The following TMEM43 variants were observed in gnomAD, a reference collection of about 807,000 sequenced individuals.
TMEM43 encodes transmembrane protein 43.
A neutral mutation model predicts 49.6 loss-of-function variants in TMEM43; 45 were observed. The observed-to-expected ratio is 0.91, with a 90% confidence interval of 0.71 to 1.16. The LOEUF is 1.16. Ranked by LOEUF, TMEM43 falls within the 50% of genes most tolerant of loss-of-function variation. The pLI, the probability that TMEM43 is intolerant of heterozygous loss-of-function variation, is 0.00. For synonymous variants in TMEM43, 199 were observed against 207.8 expected (o/e 0.96, Z 0.36); for missense variants, 532 against 516.6 (o/e 1.03, Z -0.29).
intron 7 of TMEM43, among the ~76,000 whole-genome samples, chr3:14,134,402 G>T (rs1387278921): frequency 6.6e-6 from 1 of 152,224 alleles, no homozygotes; most frequent in Non-Finnish European, 1.5e-5. Context: ...GCCGCTTTCT[G>T]TGTGCTTTGT....
rs1314608720 is a variant in TMEM43 at position 14,142,573 on chromosome 3, A to G, written c.*778A>G. 6 of 152,662 alleles carry G rather than the reference A, an allele frequency of 3.9e-5. No individual in the cohort carries two copies. The highest frequency in any genetic ancestry group is 7.3e-5 in the Non-Finnish European group (5 of 68,048). 9.5% of individuals were successfully genotyped at this position (152,662 alleles called of 1,614,324 possible). On this transcript the variant is annotated 3_prime_UTR_variant, in exon 12 of 12. Transcript: ENST00000306077. The stretch of plus-strand genomic sequence containing the variant: ...TAAGATTTAAAAACAAAACAAAAAA[A>G]ACACTTAATATTTCAGACTGTTACA...
chr3:14,125,823 G>A (rs1022308688), intron 1 of TMEM43, among the ~76,000 whole-genome samples: 1 of 152,176 alleles, frequency 6.6e-6, no homozygotes, highest in Non-Finnish European at 1.5e-5. Context: ...GTTGGAGGAG[G>A]CCTGGCTGAG....
In TMEM43 at chr3:14,139,280, G is replaced by A. The variant is rs185611706; in HGVS notation, c.983G>A (p.Arg328Gln). ...TTCATGGGCCTCAACCTTATGACAC[G>A]GATCCTCTACACCTTGGGTAGGTGT... ...AMFMGLNLMT[R>Q]ILYTLVDWFP... is the part of the protein sequence containing the mutation. The change falls in exon 11 of 12, where the codon CGG becomes CAG. Residue 328 changes from arginine to glutamine, a missense_variant. Physicochemically the swap from Arg to Gln is conservative, Grantham distance 43. Coordinates refer to ENST00000306077, the MANE Select transcript of TMEM43 (RefSeq NM_024334.3). 29 of 1,613,912 alleles carry A rather than the reference G, an allele frequency of 1.8e-5. No individual in the cohort carries two copies. Among genetic ancestry groups the A allele is most frequent in the Middle Eastern group, 1.7e-4 (1 of 6,060 alleles).
intron 10 of TMEM43, among the ~76,000 whole-genome samples, chr3:14,138,226 C>T (rs186840356): frequency 5.9e-5 from 9 of 152,200 alleles, no homozygotes; most frequent in Admixed American, 4.6e-4. Context: ...CAAACCCACG[C>T]GCAGATACAC....
intron 1 of TMEM43, among the ~76,000 whole-genome samples, chr3:14,128,704 A>G (rs998281913): frequency 2.0e-5 from 3 of 152,260 alleles, no homozygotes; most frequent in African/African-American, 7.2e-5. Context: ...ACCTCTTTGT[A>G]AAATAGCTTG....
chr3:14,135,996 G>T, intron 10 of TMEM43, 88 bp downstream of exon 10: 1 of 1,140,434 alleles, frequency 8.8e-7, no homozygotes, highest in South Asian at 1.2e-5. Flanking sequence ...ACACTACCAG[G>T]GGTCATAGCC....
chr3:14,132,707 G>A, intron 5 of TMEM43, 112 bp downstream of exon 5: 2 of 1,423,098 alleles, frequency 1.4e-6, no homozygotes, highest in Non-Finnish European at 2.0e-6. Context: ...CAGGCATCAG[G>A]ATCCCTGGGT....
chr3:14,125,483 T>C (rs534010650), intron 1 of TMEM43, among the ~76,000 whole-genome samples: 1 of 152,218 alleles, frequency 6.6e-6, no homozygotes, highest in Non-Finnish European at 1.5e-5. Flanking sequence ...TGGGATCTGC[T>C]TGTACGCCTC....
intron 11 of TMEM43, 120 bp from the exon 12 acceptor site, chr3:14,141,472 TC>T: frequency 2.1e-6 from 2 of 955,400 alleles, no homozygotes; most frequent in South Asian, 1.4e-5. Context: ...CACCCACTGA[TC>T]CTCTCCCCTC....
In TMEM43 at chr3:14,132,544, A is replaced by C; in HGVS notation, c.393-2A>C. On this transcript the variant is annotated splice_acceptor_variant, in intron 4 of 11. Coordinates refer to ENST00000306077, the MANE Select transcript of TMEM43 (RefSeq NM_024334.3). LOFTEE classifies it high-confidence loss of function. ...CCCGTGGCTGCTTTGCTTTCCCTGC[A>C]GGGAGTACACCGAGGATGGGCAGGT... 1 of 1,614,114 alleles carries C rather than the reference A, an allele frequency of 6.2e-7. No homozygotes were observed. The highest frequency in any genetic ancestry group is 1.1e-5 in the South Asian group (1 of 91,086).
chr3:14,133,456 C>A (rs1695123420), intron 6 of TMEM43, among the ~76,000 whole-genome samples: 1 of 152,122 alleles, frequency 6.6e-6, no homozygotes, highest in South Asian at 2.1e-4. Flanking sequence ...AAAGTCCATG[C>A]AAGATACATC....
intron 9 of TMEM43, 91 bp from the exon 10 acceptor site, chr3:14,135,716 G>T: frequency 9.1e-7 from 1 of 1,093,002 alleles, no homozygotes; most frequent in South Asian, 1.3e-5. Context: ...TTCCCCAGCC[G>T]GCACCCAGTC....
In TMEM43 at chr3:14,129,430, C is replaced by A; in HGVS notation, c.31C>A (p.Arg11=). 6.2e-7 allele frequency: 1 copy of A among 1,613,688 alleles called. No homozygotes were observed. The highest frequency in any genetic ancestry group is 1.3e-5 in the African/African-American group (1 of 74,882). The change falls in exon 2 of 12, where the codon CGG becomes AGG. Residue 11 remains arginine, a synonymous_variant. Transcript: ENST00000306077. ...TCTTCAGTATTCCAGTACCAGTACC[C>A]GGAGAGAACATGTCAAAGTTAAAAC... The part of the protein sequence containing the change: MAANYSSTST[R]REHVKVKTSS...
At chr3:14,127,585 C>T (rs1695036684) in intron 1 of TMEM43, among the ~76,000 whole-genome samples, 1 of 152,098 alleles carries the variant, frequency 6.6e-6, no homozygotes, top group Admixed American at 6.5e-5. Context: ...ACCCTGAGCC[C>T]GATTTTCTTA....
Position 14,133,774 on chromosome 3 carries a change from C to T in TMEM43, c.548C>T (p.Pro183Leu), listed in dbSNP as rs746116143. The change falls in exon 7 of 12, where the codon CCC becomes CTC. Residue 183 changes from proline to leucine, a missense_variant. Coordinates refer to ENST00000306077, the MANE Select transcript of TMEM43 (RefSeq NM_024334.3). ...GTGGAGTCATTCATGGCAACAGCCC[C>T]CTTTGTCCAAATTGGCAGGTTTTTC... ...MAVESFMATA[P>L]FVQIGRFFLS... 1 of 1,614,162 alleles carries T rather than the reference C, an allele frequency of 6.2e-7. No individual in the cohort carries two copies. Among genetic ancestry groups the T allele is most frequent in the Non-Finnish European group, 8.5e-7 (1 of 1,179,982 alleles).
rs541565919 is a variant in TMEM43 at position 14,141,751 on chromosome 3, A to G, written c.1159A>G (p.Ile387Val). ...LLIAGLALVP[I>V]LVARTRVPAK... Reference sequence around the variant, plus strand: ...CATTGCCGGCCTGGCCCTTGTGCCCATCCTTGTTGCTCGGACACGGGTGCC... The same window carrying G: ...CATTGCCGGCCTGGCCCTTGTGCCCGTCCTTGTTGCTCGGACACGGGTGCC... The change falls in exon 12 of 12, where the codon ATC (isoleucine) becomes GTC (valine). Residue 387 changes from isoleucine (I) to valine (V), a missense_variant. By Grantham distance (29) the Ile-to-Val change is conservative. Transcript: ENST00000306077. 35 of 1,613,970 alleles carry G rather than the reference A, an allele frequency of 2.2e-5. No homozygotes were observed. The South Asian group carries it at 3.8e-4, about 18-fold the overall frequency.
chr3:14,126,834 C>T (rs1695027497), intron 1 of TMEM43, among the ~76,000 whole-genome samples: 1 of 152,150 alleles, frequency 6.6e-6, no homozygotes, highest in African/African-American at 2.4e-5. Flanking sequence ...AAGAAGATAG[C>T]GGGATGGAGC....
chr3:14,128,403 A>ACTTCCTC (rs1246755468), intron 1 of TMEM43, among the ~76,000 whole-genome samples: 3 of 151,718 alleles, frequency 2.0e-5, no homozygotes, highest in Admixed American at 1.3e-4. Context: ...ACCACTTCCT[A>ACTTCCTC]CTTCCTCATC....
At chr3:14,134,505 T>C (rs1315690797) in intron 7 of TMEM43, among the ~76,000 whole-genome samples, 1 of 152,066 alleles carries the variant, frequency 6.6e-6, no homozygotes, top group Non-Finnish European at 1.5e-5. Context: ...GGCCGTAACC[T>C]TGATGGAAGG....
Sources: gnomAD v4.1 joint callset for allele counts (sites outside exome capture counted in the v4.1 genomes callset) on GRCh38, gnomAD v4.1.1 for gene constraint, MANE v1.5 for transcripts, NCBI Gene and HGNC (gene_info 2026-07-23, HGNC 2026-07-21) for gene names.